MRPL13: variants seen among roughly 807,000 people sequenced by gnomAD.
MRPL13 encodes the protein mitochondrial ribosomal protein L13.
In MRPL13, 33 loss-of-function variants were observed where a neutral mutation model predicts 29.0. That is an observed-to-expected ratio of 1.14 (90% CI 0.86 to 1.52). MRPL13 has a LOEUF of 1.52. MRPL13 is among the 40% of genes most tolerant of loss of function. MRPL13 has a pLI of 0.00. For synonymous variants in MRPL13, 77 were observed against 68.4 expected (o/e 1.13, Z -0.62); for missense variants, 227 against 216.7 (o/e 1.05, Z -0.30).
chr8:120,439,812 T>G lies in MRPL13; in HGVS notation c.151+3373A>C, dbSNP rs373038096. On this transcript the variant is annotated intron_variant, in intron 2 of 6. Transcript: ENST00000306185. Reference sequence around the variant, plus strand: ...AGAAAAAAGGTTAGAGCAGCAAGTATAAGAAATTACAGAAAATCCTTGCTC... The same window carrying G: ...AGAAAAAAGGTTAGAGCAGCAAGTAGAAGAAATTACAGAAAATCCTTGCTC... 7.4e-4 allele frequency among the ~76,000 whole-genome samples: 112 copies of G among 152,314 alleles called. 1 individual carries two copies. Among genetic ancestry groups the G allele is most frequent in the African/African-American group, 2.5e-3 (106 of 41,572 alleles).
At chr8:120,433,660 A>G (rs1018072558) in intron 2 of MRPL13, among the ~76,000 whole-genome samples, 1 of 152,078 alleles carries the variant, frequency 6.6e-6, no homozygotes, top group Non-Finnish European at 1.5e-5. Context: ...TCAATAATAT[A>G]TGCCAAATCT....
At chr8:120,437,554 A>G (rs967346796) in intron 2 of MRPL13, among the ~76,000 whole-genome samples, 1 of 152,184 alleles carries the variant, frequency 6.6e-6, no homozygotes, top group Non-Finnish European at 1.5e-5. Flanking sequence ...TAATCACCAT[A>G]TATAACCTAT....
At chr8:120,400,947 A>AC (rs1286896748) in intron 6 of MRPL13, among the ~76,000 whole-genome samples, 1 of 152,056 alleles carries the variant, frequency 6.6e-6, no homozygotes, top group African/African-American at 2.4e-5. Context: ...CCAAAGACTG[A>AC]CCCAAGAAGA....
At chr8:120,436,673 A>G (rs1242265658) in intron 2 of MRPL13, among the ~76,000 whole-genome samples, 2 of 152,174 alleles carry the variant, frequency 1.3e-5, no homozygotes, top group Non-Finnish European at 2.9e-5. Flanking sequence ...TTTAAAGTGC[A>G]GGTGATTCAG....
intron 6 of MRPL13, among the ~76,000 whole-genome samples, chr8:120,413,048 A>G (rs1021789264): frequency 4.9e-4 from 75 of 152,214 alleles, no homozygotes; most frequent in African/African-American, 1.8e-3. Flanking sequence ...TATTATTGCC[A>G]TGAGTGTAGA....
At position 120,396,699 on chromosome 8, in the gene MRPL13, A is replaced by G. The variant is rs563889842; in HGVS notation, c.516-574T>C. 2.1e-4 allele frequency among the ~76,000 whole-genome samples: 32 copies of G among 152,340 alleles called. No individual in the cohort carries two copies. The South Asian group carries it at 6.2e-3, about 30-fold the overall frequency. ...GAGAGCTGCTTTCATTAGTCAATTA[A>G]AAAAATTTTTCAGAAGTATTAAATT... On this transcript the variant is annotated intron_variant, in intron 6 of 6. Coordinates refer to ENST00000306185, the MANE Select transcript of MRPL13 (RefSeq NM_014078.6).
chr8:120,417,397 T>C lies in MRPL13; in HGVS notation c.393+2455A>G, dbSNP rs190384225. On this transcript the variant is annotated intron_variant, in intron 5 of 6. Transcript: ENST00000306185. The stretch of plus-strand genomic sequence containing the variant: ...AAACTATAAATATCCTGCTCCACAA[T>C]AACCTTTTACCCAGTGGCCACAGAA... Among the ~76,000 whole-genome samples, 755 of 152,324 alleles carry C rather than the reference T, an allele frequency of 5.0e-3. 4 individuals are homozygous for C. Among genetic ancestry groups the C allele is most frequent in the Non-Finnish European group, 7.9e-3 (538 of 68,016 alleles).
intron 4 of MRPL13, 40 bp from the exon 5 acceptor site, chr8:120,419,978 T>A: frequency 7.5e-7 from 1 of 1,341,296 alleles, no homozygotes. Context: ...AAATTGTGAC[T>A]TGCGATAGTA....
In MRPL13 at chr8:120,443,041, TA is replaced by T. The variant is rs1262738600; in HGVS notation, c.151+143del. On this transcript the variant is annotated intron_variant, in intron 2 of 6. Coordinates refer to ENST00000306185, the MANE Select transcript of MRPL13 (RefSeq NM_014078.6). ...ATAAGCCAAATTCAGTTTTGGGCGC[TA>T]GTATGGTTTCAGCAAGAATGGAATA... is the stretch of plus-strand genomic sequence containing the variant. The T allele has an allele frequency of 2.0e-4, 164 of 832,048 alleles. 2 individuals are homozygous for T. In the African/African-American group the frequency reaches 2.7e-3, roughly 14 times the overall value. 51.5% of individuals were successfully genotyped at this position (832,048 alleles called of 1,614,324 possible).
intron 3 of MRPL13, among the ~76,000 whole-genome samples, chr8:120,431,678 C>T (rs535566173): frequency 4.9e-4 from 74 of 152,216 alleles, no homozygotes; most frequent in African/African-American, 1.7e-3. Flanking sequence ...AGTGACCATT[C>T]CTTAAACATC....
chr8:120,400,189 T>A (rs528048081), intron 6 of MRPL13, among the ~76,000 whole-genome samples: 1 of 152,342 alleles, frequency 6.6e-6, no homozygotes, highest in East Asian at 1.9e-4. Flanking sequence ...TACATTCTTC[T>A]CATTGCCACA....
intron 2 of MRPL13, among the ~76,000 whole-genome samples, chr8:120,435,294 T>C (rs1204534954): frequency 2.6e-5 from 4 of 152,122 alleles, no homozygotes; most frequent in Non-Finnish European, 5.9e-5. Context: ...GGGGGTTGAA[T>C]ATACAGATTA....
chr8:120,443,096 C>T (rs1042268860), intron 2 of MRPL13, 89 bp downstream of exon 2: 2 of 1,217,868 alleles, frequency 1.6e-6, no homozygotes, highest in Admixed American at 3.0e-5. Flanking sequence ...TAAAAAGGGC[C>T]CTTAAACTCA....
chr8:120,436,223 T>G (rs1390329307), intron 2 of MRPL13, among the ~76,000 whole-genome samples: 1 of 152,154 alleles, frequency 6.6e-6, no homozygotes, highest in Non-Finnish European at 1.5e-5. Context: ...TGCTATACAG[T>G]AAGCTCATGT....
intron 4 of MRPL13, among the ~76,000 whole-genome samples, chr8:120,424,429 C>A (rs1309075651): frequency 6.6e-6 from 1 of 151,870 alleles, no homozygotes; most frequent in African/African-American, 2.4e-5. Context: ...TGAGTCCAGC[C>A]TGGGCAACAT....
chr8:120,422,366 G>C (rs1316184584), intron 4 of MRPL13, among the ~76,000 whole-genome samples: 4 of 151,434 alleles, frequency 2.6e-5, no homozygotes, highest in Non-Finnish European at 5.9e-5. Context: ...AAAGTTGAAA[G>C]TTTAGGTCTA....
At chr8:120,442,806 T>C (rs1458383974) in intron 2 of MRPL13, among the ~76,000 whole-genome samples, 1 of 152,178 alleles carries the variant, frequency 6.6e-6, no homozygotes, top group African/African-American at 2.4e-5. Flanking sequence ...GGGAAAAGAT[T>C]TTTTAGAAGA....
At chr8:120,397,687 G>A (rs986702505) in intron 6 of MRPL13, among the ~76,000 whole-genome samples, 1 of 151,786 alleles carries the variant, frequency 6.6e-6, no homozygotes, top group East Asian at 1.9e-4. Context: ...AACAACTCTA[G>A]CCAGGGTTAT....
At chr8:120,405,497 G>A (rs7820316) in intron 6 of MRPL13, among the ~76,000 whole-genome samples, 80,499 of 152,086 alleles carry the variant, frequency 0.53, 24,592 homozygotes, top group Non-Finnish European at 0.67. Context: ...TGCATTGCTG[G>A]TTTATGGACC....
Sources: allele counts gnomAD v4.1 joint callset (sites outside exome capture counted in the v4.1 genomes callset), GRCh38; gene constraint gnomAD v4.1.1; transcripts MANE v1.5; gene names NCBI Gene and HGNC (gene_info 2026-07-23, HGNC 2026-07-21).